A4GALT: variants seen among roughly 807,000 people sequenced by gnomAD.
A4GALT encodes the protein alpha 1,4-galactosyltransferase (P1PK blood group), also known as lactosylceramide 4-alpha-galactosyltransferase.
For synonymous variants in A4GALT, 257 were observed against 220.7 expected, an observed-to-expected ratio of 1.16 and a Z score of -1.46; for missense variants, 512 against 486.0, an observed-to-expected ratio of 1.05 and a Z score of -0.50.
At chr22:42,702,014 CT>C (rs1186579251) in intron 1 of A4GALT, among the ~76,000 whole-genome samples, 4 of 152,236 alleles carry the variant, frequency 2.6e-5, no homozygotes, top group African/African-American at 9.6e-5. Flanking sequence ...TCTCATCCCC[CT>C]GATCAGTGTC....
rs112825757 is a variant in A4GALT at position 42,707,323 on chromosome 22, A to T, written c.-187-11692T>A. Among the ~76,000 whole-genome samples, 439 of 152,284 alleles carry T rather than the reference A, an allele frequency of 2.9e-3. 1 individual carries two copies. The highest frequency in any genetic ancestry group is 8.7e-3 in the African/African-American group (362 of 41,558). ...TTAATTTAAAAATCGGGAATTTTTT[A>T]AAAAATTTTATCTATGGGATTCCTA... On this transcript the variant is annotated intron_variant, in intron 1 of 2. Transcript: ENST00000642412.
In A4GALT at chr22:42,692,604, T is replaced by C. The variant is rs1194939062; in HGVS notation, c.*286A>G. On this transcript the variant is annotated 3_prime_UTR_variant, in exon 3 of 3. Coordinates refer to ENST00000642412, the MANE Select transcript of A4GALT (RefSeq NM_017436.7). This position sits in a 1 kb window ranked among gnomAD's most constrained non-coding sequence, Gnocchi z 4.6. ...CCTGGCTTTCCGCACCACCTGGGGGTGCCCTGAGGTTCATCCTTCCTGCCT... is the reference window on the plus strand; with the variant it reads ...CCTGGCTTTCCGCACCACCTGGGGGCGCCCTGAGGTTCATCCTTCCTGCCT... The C allele has an allele frequency of 1.7e-6, 1 of 571,840 alleles. No individual in the cohort carries two copies. Among genetic ancestry groups the C allele is most frequent in the Non-Finnish European group, 3.3e-6 (1 of 301,082 alleles). The allele number at this position is 571,840 out of a possible 1,614,324, so 35.4% of individuals were successfully genotyped here. A position where few individuals can be genotyped will look rare whatever the true frequency, so the allele number is the denominator to read the frequency against.
chr22:42,693,257 A>G lies in A4GALT; in HGVS notation c.695T>C (p.Leu232Pro). The change falls in exon 3 of 3, where the codon CTG becomes CCG. Residue 232 changes from leucine (L) to proline (P), a missense_variant. By Grantham distance (98) the Leu-to-Pro change is moderately conservative. Coordinates refer to ENST00000642412, the MANE Select transcript of A4GALT (RefSeq NM_017436.7). ...AFERRHEFMA[L>P]CMRDFVDHYN... ...GTGGTCCACGAAGTCCCGCATGCAC[A>G]GCGCCATGAACTCGTGCCGGCGCTC... 1 of 1,612,610 alleles carries G rather than the reference A, an allele frequency of 6.2e-7. No homozygotes were observed. Among genetic ancestry groups the G allele is most frequent in the South Asian group, 1.1e-5 (1 of 91,022 alleles).
intron 1 of A4GALT, among the ~76,000 whole-genome samples, chr22:42,710,319 C>T (rs1356004441): frequency 6.6e-6 from 1 of 152,092 alleles, no homozygotes; most frequent in Non-Finnish European, 1.5e-5. Context: ...AATAACAAGT[C>T]ACTAGAAGGT....
chr22:42,710,545 A>T (rs1374233674), intron 1 of A4GALT, among the ~76,000 whole-genome samples: 2 of 151,910 alleles, frequency 1.3e-5, no homozygotes, highest in African/African-American at 4.8e-5. Context: ...AAAATTACAA[A>T]AATTAGTGGA....
At chr22:42,716,531 A>G (rs780097105) in intron 1 of A4GALT, among the ~76,000 whole-genome samples, 2 of 152,122 alleles carry the variant, frequency 1.3e-5, no homozygotes, top group Non-Finnish European at 2.9e-5. Context: ...GATTAACTAC[A>G]GTGTAAGTGT....
rs763747325 is a variant in A4GALT at position 42,706,049 on chromosome 22, CAA to C, written c.-187-10420_-187-10419del. Among the ~76,000 whole-genome samples, 41 of 24,492 alleles carry C rather than the reference CAA, an allele frequency of 1.7e-3. 2 individuals are homozygous for C. Among genetic ancestry groups the C allele is most frequent in the African/African-American group, 4.1e-3 (38 of 9,340 alleles). The allele number at this position is 24,492 out of a possible 152,430, so 16.1% of individuals were successfully genotyped here. A position where few individuals can be genotyped will look rare whatever the true frequency, so the allele number is the denominator to read the frequency against. On this transcript the variant is annotated intron_variant, in intron 1 of 2. Coordinates refer to ENST00000642412, the MANE Select transcript of A4GALT (RefSeq NM_017436.7). Reference sequence around the variant, plus strand: ...AGCCTGGGTGACACAGACTACATCTCAAAAAAAAAAAAAAAAAAAAAGTTGGC... The same window carrying C: ...AGCCTGGGTGACACAGACTACATCTCAAAAAAAAAAAAAAAAAAAGTTGGC...
At position 42,693,526 on chromosome 22, in the gene A4GALT, G is replaced by GTCC. The variant is rs1569027620; in HGVS notation, c.425_426insGGA (p.Leu142_Pro143insAsp). On this transcript the variant is annotated inframe_insertion, in exon 3 of 3. Coordinates refer to ENST00000642412, the MANE Select transcript of A4GALT (RefSeq NM_017436.7). ...GGAACAGCTCCCGCAGGTCCAGCGG[G>GTCC]AGCATCTGGACATTCGGGAAGCAGC... 3 of 1,613,358 alleles carry GTCC rather than the reference G, an allele frequency of 1.9e-6. No individual in the cohort carries two copies. In the East Asian group the frequency reaches 6.7e-5, roughly 36 times the overall value.
rs758930773 is a variant in A4GALT, at chr22:42,693,868, G to A, written c.84C>T (p.Phe28=). The A allele has an allele frequency of 2.8e-5, 45 of 1,610,760 alleles. No homozygotes were observed. Among genetic ancestry groups the A allele is most frequent in the Non-Finnish European group, 3.6e-5 (42 of 1,179,062 alleles). The change falls in exon 3 of 3, where the codon TTC becomes TTT. Residue 28 remains phenylalanine, a synonymous_variant. Coordinates refer to ENST00000642412, the MANE Select transcript of A4GALT (RefSeq NM_017436.7). Reference sequence around the variant, plus strand: ...TGATGGAGACGAAAAACGTGAACTTGAAGCCGATGATGAACAGGGTGCAGA... The same window carrying A: ...TGATGGAGACGAAAAACGTGAACTTAAAGCCGATGATGAACAGGGTGCAGA... ...QRVCTLFIIG[F]KFTFFVSIMI...
rs1459523944 is a variant in A4GALT at position 42,693,358 on chromosome 22, G to A, written c.594C>T (p.Leu198=). 2 of 1,613,322 alleles carry A rather than the reference G, an allele frequency of 1.2e-6. No homozygotes were observed. The highest frequency in any genetic ancestry group is 1.3e-5 in the African/African-American group (1 of 75,070). The change falls in exon 3 of 3, where the codon CTC becomes CTT. Residue 198 remains leucine, a synonymous_variant. Coordinates refer to ENST00000642412, the MANE Select transcript of A4GALT (RefSeq NM_017436.7). The stretch of plus-strand genomic sequence containing the variant: ...CGTTGGTCAGGTTCCGCAGGTTCTT[G>A]AGAACAATGAAGTCCGTGTCCAGGT... ...GIYLDTDFIV[L]KNLRNLTNVL...
At chr22:42,715,849 T>C (rs1007918644) in intron 1 of A4GALT, among the ~76,000 whole-genome samples, 4 of 94,406 alleles carry the variant, frequency 4.2e-5, no homozygotes, top group African/African-American at 1.3e-4. Flanking sequence ...TTGTTTTTTT[T>C]GAGATGGAGT....
intron 1 of A4GALT, among the ~76,000 whole-genome samples, chr22:42,696,615 G>A (rs1930952004): frequency 1.3e-5 from 2 of 151,786 alleles, no homozygotes; most frequent in Non-Finnish European, 2.9e-5. Flanking sequence ...CACCCAGCTA[G>A]GTTCCCAGCA....
At chr22:42,717,555 C>T (rs1922303176) in intron 1 of A4GALT, among the ~76,000 whole-genome samples, 1 of 152,170 alleles carries the variant, frequency 6.6e-6, no homozygotes, top group Non-Finnish European at 1.5e-5. Flanking sequence ...CATCCTCCCA[C>T]CTCCTCAGTC....
At chr22:42,709,344 C>CAA (rs71311459) in intron 1 of A4GALT, among the ~76,000 whole-genome samples, 196 of 112,340 alleles carry the variant, frequency 1.7e-3, no homozygotes, top group African/African-American at 6.1e-3. Context: ...TGTGCCAGGC[C>CAA]AAAAAAAAAA....
At chr22:42,696,761 A>C (rs990684343) in intron 1 of A4GALT, among the ~76,000 whole-genome samples, 22 of 151,648 alleles carry the variant, frequency 1.5e-4, no homozygotes, top group African/African-American at 4.9e-4. Flanking sequence ...ACTGGGCCCC[A>C]TGTGTCCCCC....
chr22:42,720,294 C>G (rs974484315), intron 1 of A4GALT, among the ~76,000 whole-genome samples: 1 of 71,494 alleles, frequency 1.4e-5, no homozygotes, highest in South Asian at 3.5e-4. Flanking sequence ...AGGCCGGCGC[C>G]GACGCTGCCA....
At position 42,714,274 on chromosome 22, in the gene A4GALT, CAAAAAA is replaced by C. The variant is rs1163088658; in HGVS notation, c.-188+6517_-188+6522del. Reference sequence around the variant, plus strand: ...TGGGCAACAGAGCAAGACTCTGTCTCAAAAAAAAAAAAAAAAAAAAAAAAAAAAAAA... The same window carrying C: ...TGGGCAACAGAGCAAGACTCTGTCTCAAAAAAAAAAAAAAAAAAAAAAAAA... On this transcript the variant is annotated intron_variant, in intron 1 of 2. Coordinates refer to ENST00000642412, the MANE Select transcript of A4GALT (RefSeq NM_017436.7). Among the ~76,000 whole-genome samples, 118 of 16,114 alleles carry C rather than the reference CAAAAAA, an allele frequency of 7.3e-3. 1 individual carries two copies. The highest frequency in any genetic ancestry group is 0.014 in the African/African-American group (83 of 5,972). 10.6% of individuals were successfully genotyped at this position (16,114 alleles called of 152,430 possible). A position where few individuals can be genotyped will look rare whatever the true frequency, so the allele number is the denominator to read the frequency against.
At chr22:42,719,886 C>G (rs1325133029) in intron 1 of A4GALT, among the ~76,000 whole-genome samples, 1 of 152,108 alleles carries the variant, frequency 6.6e-6, no homozygotes, top group African/African-American at 2.4e-5. Flanking sequence ...GGGAGGAAGC[C>G]GCAGAGAGGG....
chr22:42,715,668 T>G (rs1458230372), intron 1 of A4GALT, among the ~76,000 whole-genome samples: 1 of 151,978 alleles, frequency 6.6e-6, no homozygotes, highest in Non-Finnish European at 1.5e-5. Flanking sequence ...GAGCCATGAT[T>G]GCACCAGTGC....
Sources: allele counts gnomAD v4.1 joint callset (sites outside exome capture counted in the v4.1 genomes callset), GRCh38; gene constraint gnomAD v4.1.1; non-coding constraint Gnocchi (gnomAD v3.1); transcripts MANE v1.5; gene names NCBI Gene and HGNC (gene_info 2026-07-23, HGNC 2026-07-21).